Variants in DCC observed in about 807,000 individuals in gnomAD.
The protein encoded by DCC is netrin receptor DCC.
DCC carries 58 observed loss-of-function variants against 172.5 expected under a neutral mutation model. The ratio of observed to expected loss-of-function variants is 0.34; its 90% confidence interval spans 0.27 to 0.42. The LOEUF (loss-of-function observed/expected upper bound fraction) is 0.42, where lower values mean the gene tolerates loss of function less well. Among genes scored for constraint, DCC ranks in the 10% least tolerant of loss-of-function variants. The pLI is 1.00. For missense variants in DCC, 1,740 were observed against 1,791.0 expected, an observed-to-expected ratio of 0.97 and a Z score of 0.51; for synonymous variants, 709 against 644.5, an observed-to-expected ratio of 1.10 and a Z score of -1.52.
At chr18:53,267,922 G>GTTA (rs2056701237) in intron 12 of DCC, among the ~76,000 whole-genome samples, 1 of 152,128 alleles carries the variant, frequency 6.6e-6, no homozygotes, top group African/African-American at 2.4e-5. Flanking sequence ...TACTTCTAAA[G>GTTA]GAGATCCTTT....
Position 52,474,371 on chromosome 18 carries a change from T to A in DCC, c.91+133493T>A, listed in dbSNP as rs563937610. Among the ~76,000 whole-genome samples the A allele has an allele frequency of 4.6e-5, 7 of 152,094 alleles. No individual in the cohort carries two copies. The East Asian group carries it at 1.2e-3, about 25-fold the overall frequency. Reference sequence around the variant, plus strand: ...CTTATAAGACTCATTAAAAGAGGGATAAAGGAAAAGAAAATCCAGGATTCC... The same window carrying A: ...CTTATAAGACTCATTAAAAGAGGGAAAAAGGAAAAGAAAATCCAGGATTCC... On this transcript the variant is annotated intron_variant, in intron 1 of 28. Coordinates refer to ENST00000442544, the MANE Select transcript of DCC (RefSeq NM_005215.4).
rs1193018662 is a variant in DCC at position 52,642,014 on chromosome 18, G to GTATA, written c.92-110011_92-110008dup. The stretch of plus-strand genomic sequence containing the variant: ...GATAAAGAAACTGTGGTGTGTGTGT[G>GTATA]TATATATATATATATATATATATAT... On this transcript the variant is annotated intron_variant, in intron 1 of 28. Coordinates refer to ENST00000442544, the MANE Select transcript of DCC (RefSeq NM_005215.4). 2.2e-3 allele frequency among the ~76,000 whole-genome samples: 76 copies of GTATA among 34,522 alleles called. 2 individuals are homozygous for GTATA. The highest frequency in any genetic ancestry group is 6.3e-3 in the African/African-American group (73 of 11,618). The allele number at this position is 34,522 out of a possible 152,430, so 22.6% of individuals were successfully genotyped here.
intron 1 of DCC, among the ~76,000 whole-genome samples, chr18:52,704,309 T>C (rs115156182): frequency 0.011 from 1,649 of 152,246 alleles, 34 homozygotes; most frequent in African/African-American, 0.037. Flanking sequence ...ATAGTCCATT[T>C]GTTTTTTAAA....
intron 15 of DCC, among the ~76,000 whole-genome samples, chr18:53,344,332 G>A (rs759092154): frequency 4.0e-5 from 6 of 151,654 alleles, no homozygotes; most frequent in Admixed American, 1.3e-4. Flanking sequence ...TTCCTGTGAT[G>A]TGTTATTCTC....
In DCC at chr18:52,471,713, G is replaced by C. The variant is rs376781021; in HGVS notation, c.91+130835G>C. Among the ~76,000 whole-genome samples, 90 of 152,236 alleles carry C rather than the reference G, an allele frequency of 5.9e-4. 1 individual carries two copies. Among genetic ancestry groups the C allele is most frequent in the African/African-American group, 2.1e-3 (86 of 41,550 alleles). ...AGTAATGACGAAGAATGCAGCTTCC[G>C]CTCACAGGTACTTCTAAGTCCTGCA... On this transcript the variant is annotated intron_variant, in intron 1 of 28. Transcript: ENST00000442544.
chr18:52,362,482 C>T (rs147359271), intron 1 of DCC, among the ~76,000 whole-genome samples: 16 of 152,188 alleles, frequency 1.1e-4, no homozygotes, highest in Admixed American at 9.8e-4. Context: ...GTCCAATTTG[C>T]ATCAAGTAAT....
chr18:53,006,939 T>C (rs2041654846), intron 5 of DCC, among the ~76,000 whole-genome samples: 1 of 152,214 alleles, frequency 6.6e-6, no homozygotes, highest in Admixed American at 6.5e-5. Context: ...GAGATTGCTT[T>C]ATAGCATGTG....
chr18:52,714,621 T>C (rs1318032233), intron 1 of DCC, among the ~76,000 whole-genome samples: 1 of 152,124 alleles, frequency 6.6e-6, no homozygotes, highest in Non-Finnish European at 1.5e-5. Context: ...TCTCATCCAT[T>C]TGAATTCTGA....
At chr18:53,178,472 A>G (rs1402897258) in intron 8 of DCC, among the ~76,000 whole-genome samples, 6 of 152,240 alleles carry the variant, frequency 3.9e-5, no homozygotes, top group Admixed American at 3.9e-4. Context: ...CTCCATACAT[A>G]GAACACTAAG....
At chr18:52,929,102 C>T (rs550535101) in intron 5 of DCC, among the ~76,000 whole-genome samples, 2 of 152,178 alleles carry the variant, frequency 1.3e-5, no homozygotes, top group East Asian at 1.9e-4. Context: ...GTCATTCCCT[C>T]GAGGAGCTGC....
chr18:52,584,827 A>G (rs2144784067), intron 1 of DCC, among the ~76,000 whole-genome samples: 1 of 151,962 alleles, frequency 6.6e-6, no homozygotes, highest in Middle Eastern at 3.4e-3. Context: ...GAGACGAGCC[A>G]CTGCACCCAG....
At chr18:52,974,021 G>A (rs899559035) in intron 5 of DCC, among the ~76,000 whole-genome samples, 1 of 151,956 alleles carries the variant, frequency 6.6e-6, no homozygotes, top group Non-Finnish European at 1.5e-5. Flanking sequence ...ACAGAAGATA[G>A]ATAAAAATTG....
At chr18:52,954,058 C>G (rs2040701893) in intron 5 of DCC, among the ~76,000 whole-genome samples, 1 of 152,210 alleles carries the variant, frequency 6.6e-6, no homozygotes, top group African/African-American at 2.4e-5. Flanking sequence ...TGAATTCTTA[C>G]TACAGCTTTC....
Position 53,513,837 on chromosome 18 carries a change from G to GACTT in DCC, c.4112-12778_4112-12775dup, listed in dbSNP as rs983647934. 1.5e-3 allele frequency among the ~76,000 whole-genome samples: 226 copies of GACTT among 149,356 alleles called. 2 individuals carry two copies. The highest frequency in any genetic ancestry group is 5.5e-3 in the African/African-American group (217 of 39,670). ...GCAAGTCCTGAGTGACCTACAAAGC[G>GACTT]ACTTAGACTCCCACACATTAATAAT... On this transcript the variant is annotated intron_variant, in intron 27 of 28. Transcript: ENST00000442544.
chr18:53,467,166 T>TTA (rs540752442), intron 24 of DCC, among the ~76,000 whole-genome samples: 142 of 150,784 alleles, frequency 9.4e-4, no homozygotes, highest in African/African-American at 1.9e-3. Context: ...AGGTGTGTAC[T>TTA]TATATATATA....
chr18:53,008,176 A>G lies in DCC; in HGVS notation c.986-55129A>G, dbSNP rs1195416324. 3.9e-5 allele frequency among the ~76,000 whole-genome samples: 6 copies of G among 152,232 alleles called. No homozygotes were observed. In the East Asian group the frequency reaches 1.2e-3, roughly 29 times the overall value. On this transcript the variant is annotated intron_variant, in intron 5 of 28. Transcript: ENST00000442544. ...TATCTTTTTGTGATTTGTTTTGAATATCTGTTGAAATTGCTCTGCTAATGA... is the reference window on the plus strand; with the variant it reads ...TATCTTTTTGTGATTTGTTTTGAATGTCTGTTGAAATTGCTCTGCTAATGA...
intron 5 of DCC, among the ~76,000 whole-genome samples, chr18:53,041,026 C>T (rs1191180254): frequency 6.6e-6 from 1 of 152,034 alleles, no homozygotes; most frequent in Non-Finnish European, 1.5e-5. Flanking sequence ...TGTGCAGAAG[C>T]TCTTTAGTTT....
chr18:53,027,474 G>A (rs970024348), intron 5 of DCC, among the ~76,000 whole-genome samples: 1 of 152,138 alleles, frequency 6.6e-6, no homozygotes, highest in Non-Finnish European at 1.5e-5. Flanking sequence ...GTTTGAAATT[G>A]TGTATAACTA....
chr18:53,302,477 G>T (rs1568041365), intron 12 of DCC, among the ~76,000 whole-genome samples: 1 of 151,904 alleles, frequency 6.6e-6, no homozygotes, highest in Non-Finnish European at 1.5e-5. Flanking sequence ...TTCGAGTCTG[G>T]TTTTTCATCA....
Sources: gnomAD v4.1 joint callset for allele counts (sites outside exome capture counted in the v4.1 genomes callset) on GRCh38, gnomAD v4.1.1 for gene constraint, MANE v1.5 for transcripts, NCBI Gene and HGNC (gene_info 2026-07-23, HGNC 2026-07-21) for gene names.